Variants in IKBKE observed in about 807,000 individuals in gnomAD.
The protein encoded by IKBKE is inhibitor of nuclear factor kappa B kinase subunit epsilon, also known as inhibitor of nuclear factor kappa-B kinase subunit epsilon.
Under a neutral mutation model 92.1 loss-of-function variants are expected in IKBKE, and 45 were observed. The ratio of observed to expected loss-of-function variants is 0.49; its 90% CI spans 0.38 to 0.63. The LOEUF (loss-of-function observed/expected upper bound fraction) is 0.63, where lower values mean the gene tolerates loss of function less well. Among genes scored for constraint, IKBKE ranks in the 20% least tolerant of loss-of-function variants. IKBKE has a pLI of 0.00. For missense variants in IKBKE, 700 were observed against 932.8 expected (o/e 0.75, Z 3.25); for synonymous variants, 374 against 380.3 (o/e 0.98, Z 0.19).
intron 12 of IKBKE, 29 bp downstream of exon 12, chr1:206,480,142 G>T: frequency 6.6e-7 from 1 of 1,505,266 alleles, no homozygotes; most frequent in Non-Finnish European, 8.9e-7. Flanking sequence ...TGGGCACAGA[G>T]GGGGAGGCGG....
Position 206,477,788 on chromosome 1 carries a change from A to T in IKBKE, c.741A>T (p.Ala247=). 3 of 1,570,296 alleles carry T rather than the reference A, an allele frequency of 1.9e-6. No homozygotes were observed. The highest frequency in any genetic ancestry group is 2.6e-6 in the Non-Finnish European group (3 of 1,157,988). ...ITTEKPAGAI[A]GAQRRENGPL... Reference sequence around the variant, plus strand: ...CGGAGAAGCCGGCTGGGGCCATTGCAGGTGCCCAGAGGCGGGAGAACGGGC... The same window carrying T: ...CGGAGAAGCCGGCTGGGGCCATTGCTGGTGCCCAGAGGCGGGAGAACGGGC... The change falls in exon 8 of 22, where the codon GCA becomes GCT. Residue 247 remains alanine, a synonymous_variant. Transcript: ENST00000581977.
chr1:206,490,993 G>C lies in IKBKE; in HGVS notation c.1733+135G>C. 5.1e-6 allele frequency: 4 copies of C among 786,092 alleles called. No homozygotes were observed. Among genetic ancestry groups the C allele is most frequent in the Non-Finnish European group, 8.8e-6 (4 of 453,848 alleles). The allele number at this position is 786,092 out of a possible 1,614,324, so 48.7% of individuals were successfully genotyped here. A position where few individuals can be genotyped will look rare whatever the true frequency, so the allele number is the denominator to read the frequency against. On this transcript the variant is annotated intron_variant, in intron 17 of 21. Coordinates refer to ENST00000581977, the MANE Select transcript of IKBKE (RefSeq NM_014002.4). This position sits in a 1 kb window ranked among gnomAD's most constrained non-coding sequence, Gnocchi z 5.2. ...CAGCTGAGCAGAGTTGGGGATAACAGGTTATCTGGGGCCAGGGGAGGGAGT... is the reference window on the plus strand; with the variant it reads ...CAGCTGAGCAGAGTTGGGGATAACACGTTATCTGGGGCCAGGGGAGGGAGT...
At chr1:206,489,381 A>ATATATATACACACAGTATG (rs1665828511) in intron 16 of IKBKE, among the ~76,000 whole-genome samples, 4 of 139,708 alleles carry the variant, frequency 2.9e-5, no homozygotes, top group Non-Finnish European at 4.6e-5. Flanking sequence ...ATATATATAT[A>ATATATATACACACAGTATG]TATATATATA....
chr1:206,470,817 T>C (rs1489783996), intron 1 of IKBKE, 119 bp downstream of exon 1: 20 of 152,204 alleles, frequency 1.3e-4, no homozygotes, highest in African/African-American at 4.6e-4. Context: ...TGCTCTCACA[T>C]AGAGCGTTGT....
intron 12 of IKBKE, 98 bp from the exon 13 acceptor site, chr1:206,480,349 C>A (rs1465194006): frequency 6.7e-6 from 7 of 1,047,212 alleles, no homozygotes; most frequent in African/African-American, 6.3e-5. Context: ...AGGGGGAGGC[C>A]GGCAGGAGGT....
At chr1:206,491,034 G>A (rs1250091251) in intron 17 of IKBKE, 176 bp downstream of exon 17, 2 of 643,980 alleles carry the variant, frequency 3.1e-6, no homozygotes, top group Admixed American at 2.3e-5. Context: ...TAGCTTAGTT[G>A]GAGGGAGACT....
At chr1:206,471,432 G>A (rs1398855438) in intron 2 of IKBKE, among the ~76,000 whole-genome samples, 187 bp downstream of exon 2, 2 of 152,176 alleles carry the variant, frequency 1.3e-5, no homozygotes, top group Non-Finnish European at 2.9e-5. Context: ...GCAGAGTTAA[G>A]CCAGATGTGC....
rs781891133 is a variant in IKBKE at position 206,479,940 on chromosome 1, G to A, written c.1248+6G>A. On this transcript the variant is annotated splice_donor_region_variant and intron_variant, in intron 11 of 21. Coordinates refer to ENST00000581977, the MANE Select transcript of IKBKE (RefSeq NM_014002.4). ...CGGATTACAACACTGCCAAGGTGAG[G>A]GGCAACCCCCAGGTGGCAGGGAGGG... is the stretch of plus-strand genomic sequence containing the variant. 36 of 1,613,624 alleles carry A rather than the reference G, an allele frequency of 2.2e-5. No homozygotes were observed. Among genetic ancestry groups the A allele is most frequent in the Non-Finnish European group, 3.0e-5 (35 of 1,179,928 alleles).
chr1:206,474,882 G>C lies in IKBKE; in HGVS notation c.246G>C (p.Lys82Asn). The change falls in exon 5 of 22, where the codon AAG becomes AAC. Residue 82 changes from lysine (K) to asparagine (N), a missense_variant. Physicochemically the swap from Lys to Asn is moderately conservative, Grantham distance 94. Transcript: ENST00000581977. ...AVEETGGSRQ[K>N]VLVMEYCSSG... is the part of the protein sequence containing the mutation. ...ACCCATAGGGCGGAAGCCGGCAGAA[G>C]GTACTGGTGATGGAGTACTGCTCCA... 3 of 1,614,100 alleles carry C rather than the reference G, an allele frequency of 1.9e-6. No individual in the cohort carries two copies. Among genetic ancestry groups the C allele is most frequent in the Non-Finnish European group, 2.5e-6 (3 of 1,180,018 alleles).
intron 17 of IKBKE, chr1:206,491,268 C>T (rs1038293174): frequency 5.5e-6 from 2 of 361,998 alleles, no homozygotes; most frequent in Non-Finnish European, 1.0e-5. Context: ...TATCTGGGAA[C>T]TCACTCCCCC....
Position 206,478,660 on chromosome 1 carries a change from C to G in IKBKE, c.993-283C>G, listed in dbSNP as rs1665203528. On this transcript the variant is annotated intron_variant, in intron 9 of 21. Coordinates refer to ENST00000581977, the MANE Select transcript of IKBKE (RefSeq NM_014002.4). The surrounding 1 kb of genome is among the most constrained non-coding windows in gnomAD (Gnocchi z 4.8). ...TTGATTCCTGGATAATTTTATAGAA[C>G]TAGGTAAATTTTAATGGCAGTGTGA... Among the ~76,000 whole-genome samples, 1 of 152,192 alleles carries G rather than the reference C, an allele frequency of 6.6e-6. No individual in the cohort carries two copies. The highest frequency in any genetic ancestry group is 2.1e-4 in the South Asian group (1 of 4,828).
chr1:206,490,930 G>A lies in IKBKE; in HGVS notation c.1733+72G>A, dbSNP rs573972134. On this transcript the variant is annotated intron_variant, in intron 17 of 21. Transcript: ENST00000581977. This position sits in a 1 kb window ranked among gnomAD's most constrained non-coding sequence, Gnocchi z 5.2. ...TCCTCAGGGCAGAGCGATTCTCAAC[G>A]CCAGAGGAGAGGCAGTGAAGGGCCC... is the stretch of plus-strand genomic sequence containing the variant. 1.6e-5 allele frequency: 22 copies of A among 1,396,772 alleles called. No homozygotes were observed. Among genetic ancestry groups the A allele is most frequent in the East Asian group, 6.8e-5 (3 of 43,900 alleles). The allele number at this position is 1,396,772 out of a possible 1,614,324, so 86.5% of individuals were successfully genotyped here.
chr1:206,481,315 C>T (rs1665374785), intron 13 of IKBKE, among the ~76,000 whole-genome samples: 1 of 152,160 alleles, frequency 6.6e-6, no homozygotes, highest in African/African-American at 2.4e-5. Flanking sequence ...GCCTGAAGGC[C>T]CCCTCCTCCC....
intron 16 of IKBKE, 47 bp downstream of exon 16, chr1:206,488,037 TTC>T (rs1665758692): frequency 7.1e-7 from 1 of 1,413,250 alleles, no homozygotes; most frequent in African/African-American, 1.4e-5. Context: ...TCTGTCTCCC[TTC>T]TTTCGCCTTT....
chr1:206,485,139 G>A lies in IKBKE; in HGVS notation c.1504-55G>A, dbSNP rs563184104. 3 of 1,583,270 alleles carry A rather than the reference G, an allele frequency of 1.9e-6. No homozygotes were observed. The highest frequency in any genetic ancestry group is 2.6e-6 in the Non-Finnish European group (3 of 1,151,928). On this transcript the variant is annotated intron_variant, in intron 14 of 21. Coordinates refer to ENST00000581977, the MANE Select transcript of IKBKE (RefSeq NM_014002.4). The surrounding 1 kb of genome is among the most constrained non-coding windows in gnomAD (Gnocchi z 5.0). ...TGGGGGCCCGTGTTCCAGCCAGCCT[G>A]CCCACCAGTGCCCAGGCTGAAGACC... is the stretch of plus-strand genomic sequence containing the variant.
At chr1:206,494,077 C>T (rs781847239) in intron 21 of IKBKE, 86 bp downstream of exon 21, 4 of 1,141,602 alleles carry the variant, frequency 3.5e-6, no homozygotes, top group East Asian at 2.4e-5. Context: ...CAAGCCTGCC[C>T]ATGCAGGTTT....
chr1:206,491,888 C>T (rs1553390521), intron 18 of IKBKE, 139 bp downstream of exon 18: 6 of 621,038 alleles, frequency 9.7e-6, no homozygotes, highest in Non-Finnish European at 1.7e-5. Flanking sequence ...GGTTTTCTGT[C>T]CCTGGGTGGA....
intron 13 of IKBKE, among the ~76,000 whole-genome samples, chr1:206,481,905 A>G (rs921163345): frequency 1.4e-5 from 2 of 146,802 alleles, no homozygotes; most frequent in Non-Finnish European, 1.5e-5. Flanking sequence ...TCAGCCTCCC[A>G]AGTAGCTGGG....
In IKBKE at chr1:206,474,912, G is replaced by A. The variant is rs782533473; in HGVS notation, c.276G>A (p.Gly92=). The A allele has an allele frequency of 3.1e-6, 5 of 1,613,970 alleles. No individual in the cohort carries two copies. In the African/African-American group the frequency reaches 5.3e-5, roughly 17 times the overall value. ...KVLVMEYCSS[G]SLLSVLESPE... ...TGGTGATGGAGTACTGCTCCAGTGG[G>A]AGCCTGCTGAGTGTGCTGGAGAGCC... Residue 92 remains glycine (G), a synonymous_variant, in exon 5 of 22, where the codon GGG becomes GGA. Coordinates refer to ENST00000581977, the MANE Select transcript of IKBKE (RefSeq NM_014002.4).
Sources: gnomAD v4.1 joint callset for allele counts (sites outside exome capture counted in the v4.1 genomes callset) on GRCh38, gnomAD v4.1.1 for gene constraint, Gnocchi (gnomAD v3.1) non-coding constraint, MANE v1.5 for transcripts, NCBI Gene and HGNC (gene_info 2026-07-23, HGNC 2026-07-21) for gene names.